Variants in ATP1B1 observed in about 807,000 individuals in gnomAD.
ATP1B1 encodes sodium/potassium-transporting ATPase subunit beta-1.
ATP1B1 carries 3 observed loss-of-function variants against 39.6 expected under a neutral mutation model. The observed-to-expected ratio is 0.08, with a 90% CI of 0.03 to 0.20. ATP1B1 has a LOEUF of 0.20. ATP1B1 is among the 10% of genes least tolerant of loss of function. The probability of loss-of-function intolerance (pLI) is 1.00; values close to 1 mark genes in which losing one functional copy is unlikely to be tolerated. For synonymous variants in ATP1B1, 139 were observed against 135.0 expected (o/e 1.03, Z -0.20); for missense variants, 216 against 371.1 (o/e 0.58, Z 3.43).
At chr1:169,124,578 T>A (rs1658050243) in intron 2 of ATP1B1, among the ~76,000 whole-genome samples, 1 of 152,218 alleles carries the variant, frequency 6.6e-6, no homozygotes, top group Non-Finnish European at 1.5e-5. Context: ...TCTACCACTT[T>A]CTGTGCAGCC....
chr1:169,120,499 T>TA (rs1279331550), intron 2 of ATP1B1, among the ~76,000 whole-genome samples: 1 of 152,210 alleles, frequency 6.6e-6, no homozygotes, highest in African/African-American at 2.4e-5. Flanking sequence ...GGTTCTCTGT[T>TA]ACTTAAAATG....
intron 1 of ATP1B1, among the ~76,000 whole-genome samples, chr1:169,107,380 A>T (rs567219955): frequency 6.6e-6 from 1 of 152,164 alleles, no homozygotes; most frequent in Admixed American, 6.5e-5. Context: ...TCTTTCTTCT[A>T]GTCTAAATAC....
chr1:169,110,449 C>T (rs1265259701), intron 1 of ATP1B1, among the ~76,000 whole-genome samples: 1 of 152,042 alleles, frequency 6.6e-6, no homozygotes, highest in African/African-American at 2.4e-5. Flanking sequence ...AGTCGTTTGG[C>T]TGGCACAGGA....
chr1:169,123,841 G>A (rs1167562923), intron 2 of ATP1B1, among the ~76,000 whole-genome samples: 1 of 152,024 alleles, frequency 6.6e-6, no homozygotes, highest in East Asian at 1.9e-4. Context: ...TGGCCAGGCT[G>A]GTCTCAAACT....
At chr1:169,107,287 TA>T (rs111233418) in intron 1 of ATP1B1, among the ~76,000 whole-genome samples, 18,284 of 149,584 alleles carry the variant, frequency 0.12, 1,309 homozygotes, top group African/African-American at 0.19. Flanking sequence ...CCTGAGTCCT[TA>T]AAAAAAAAAT....
intron 1 of ATP1B1, among the ~76,000 whole-genome samples, chr1:169,107,745 T>C (rs1431245999): frequency 1.3e-5 from 2 of 151,586 alleles, no homozygotes; most frequent in African/African-American, 2.4e-5. Context: ...TTTCAGCCTC[T>C]CCGGAAAGGT....
chr1:169,126,744 A>G (rs1658095249), intron 3 of ATP1B1, among the ~76,000 whole-genome samples: 1 of 152,134 alleles, frequency 6.6e-6, no homozygotes, highest in African/African-American at 2.4e-5. Context: ...GAAAAGGAAA[A>G]TACCAGTTCC....
chr1:169,113,732 C>T (rs1443049539), intron 2 of ATP1B1, among the ~76,000 whole-genome samples: 2 of 152,152 alleles, frequency 1.3e-5, no homozygotes, highest in Non-Finnish European at 2.9e-5. Context: ...GTGCTCACAG[C>T]AGTTGGACTG....
In ATP1B1 at chr1:169,120,121, GAA is replaced by G. The variant is rs1482677850; in HGVS notation, c.227-4760_227-4759del. 1.3e-5 allele frequency among the ~76,000 whole-genome samples: 2 copies of G among 152,146 alleles called. 1 individual carries two copies. Reference sequence around the variant, plus strand: ...CTCAGGCCATCAGGCTTCGGATAAAGAAAAGAGAGGAGGCAGAGATAGTGGGT... The same window carrying G: ...CTCAGGCCATCAGGCTTCGGATAAAGAAGAGAGGAGGCAGAGATAGTGGGT... On this transcript the variant is annotated intron_variant, in intron 2 of 5. Coordinates refer to ENST00000367815, the MANE Select transcript of ATP1B1 (RefSeq NM_001677.4).
chr1:169,129,302 T>C (rs766817474), intron 4 of ATP1B1, among the ~76,000 whole-genome samples: 1 of 152,204 alleles, frequency 6.6e-6, no homozygotes, highest in South Asian at 2.1e-4. Flanking sequence ...AGTATGTTCA[T>C]CACACTTCTG....
rs1482619530 is a variant in ATP1B1, at chr1:169,111,449, C to T, written c.177C>T (p.Leu59=). 5.6e-6 allele frequency: 9 copies of T among 1,614,096 alleles called. No homozygotes were observed. The Middle Eastern group carries it at 8.2e-4, about 147-fold the overall frequency. ...IFIGTIQVML[L]TISEFKPTYQ... Reference sequence around the variant, plus strand: ...TCGGAACCATCCAAGTGATGCTGCTCACCATCAGTGAATTTAAGCCCACAT... The same window carrying T: ...TCGGAACCATCCAAGTGATGCTGCTTACCATCAGTGAATTTAAGCCCACAT... The change falls in exon 2 of 6, where the codon CTC becomes CTT. Residue 59 remains leucine (L), a synonymous_variant. Coordinates refer to ENST00000367815, the MANE Select transcript of ATP1B1 (RefSeq NM_001677.4).
chr1:169,115,719 T>C (rs1328473198), intron 2 of ATP1B1, among the ~76,000 whole-genome samples: 6 of 152,224 alleles, frequency 3.9e-5, no homozygotes, highest in African/African-American at 1.4e-4. Flanking sequence ...AATTTCCAGA[T>C]ATGACAGGGA....
intron 2 of ATP1B1, among the ~76,000 whole-genome samples, chr1:169,120,142 A>G (rs1206107725): frequency 6.6e-6 from 1 of 152,154 alleles, no homozygotes; most frequent in South Asian, 2.1e-4. Context: ...AGGCAGAGAT[A>G]GTGGGTGATG....
intron 2 of ATP1B1, among the ~76,000 whole-genome samples, chr1:169,123,699 T>A (rs1248455156): frequency 4.6e-5 from 7 of 151,840 alleles, no homozygotes; most frequent in Non-Finnish European, 2.9e-5. Flanking sequence ...CGATCTTGGC[T>A]CACTGCAACC....
chr1:169,132,036 T>TTTC lies in ATP1B1; in HGVS notation c.*483_*484insCTT. ...GCATGGTAATTTTTTTTTTTTTTTTTTTTTTGTTTTTTGGCTCTTTCAAAG... is the reference window on the plus strand; with the variant it reads ...GCATGGTAATTTTTTTTTTTTTTTTTTTCTTTTTGTTTTTTGGCTCTTTCAAAG... On this transcript the variant is annotated 3_prime_UTR_variant, in exon 6 of 6. Coordinates refer to ENST00000367815, the MANE Select transcript of ATP1B1 (RefSeq NM_001677.4). 8.9e-6 allele frequency: 2 copies of TTTC among 225,134 alleles called. No individual in the cohort carries two copies. The highest frequency in any genetic ancestry group is 9.8e-5 in the South Asian group (2 of 20,396). The allele number at this position is 225,134 out of a possible 1,614,324, so 13.9% of individuals were successfully genotyped here.
intron 1 of ATP1B1, chr1:169,108,180 C>G (rs567089605): frequency 6.6e-6 from 1 of 152,164 alleles, no homozygotes; most frequent in Non-Finnish European, 1.5e-5. Context: ...CAAGGTGAAG[C>G]GTCTTTCCAA....
In ATP1B1 at chr1:169,131,763, AAAG is replaced by A; in HGVS notation, c.*211_*213del. ...AATATTTATTCTACTGTAAATGACA[AAAG>A]AAAAAGAAAAATTGAGCCTTGGGAC... On this transcript the variant is annotated 3_prime_UTR_variant, in exon 6 of 6. Transcript: ENST00000367815. The surrounding 1 kb of genome is among the most constrained non-coding windows in gnomAD (Gnocchi z 4.4). The A allele has an allele frequency of 1.6e-6, 1 of 644,556 alleles. No homozygotes were observed. Among genetic ancestry groups the A allele is most frequent in the East Asian group, 3.0e-5 (1 of 32,942 alleles). 39.9% of individuals were successfully genotyped at this position (644,556 alleles called of 1,614,324 possible).
chr1:169,111,541 T>C (rs1274846227), intron 2 of ATP1B1, 43 bp downstream of exon 2: 2 of 1,586,196 alleles, frequency 1.3e-6, no homozygotes, highest in South Asian at 1.1e-5. Flanking sequence ...AGAGATAGCA[T>C]GGGTGTCACT....
At position 169,128,885 on chromosome 1, in the gene ATP1B1, TTTTTTTC is replaced by T. The variant is rs778191738; in HGVS notation, c.568-1114_568-1108del. On this transcript the variant is annotated intron_variant, in intron 4 of 5. Coordinates refer to ENST00000367815, the MANE Select transcript of ATP1B1 (RefSeq NM_001677.4). ...TTCAGCTACTCTTTCTTTTCAGTCC[TTTTTTTC>T]TTTTTTCTTTGGTCTCTACTTGGTT... Among the ~76,000 whole-genome samples the T allele has an allele frequency of 2.2e-4, 34 of 152,308 alleles. 1 individual carries two copies. The highest frequency in any genetic ancestry group is 1.6e-3 in the Admixed American group (25 of 15,298).
Sources: gnomAD v4.1 joint callset for allele counts (sites outside exome capture counted in the v4.1 genomes callset) on GRCh38, gnomAD v4.1.1 for gene constraint, Gnocchi (gnomAD v3.1) non-coding constraint, MANE v1.5 for transcripts, NCBI Gene and HGNC (gene_info 2026-07-23, HGNC 2026-07-21) for gene names.